MIPEP: variants seen among roughly 807,000 people sequenced by gnomAD.
MIPEP encodes mitochondrial intermediate peptidase.
Under a neutral mutation model 90.3 loss-of-function variants are expected in MIPEP, and 79 were observed. The observed-to-expected ratio is 0.87, with a 90% CI of 0.73 to 1.05. MIPEP has a LOEUF of 1.05. MIPEP is among the 50% of genes least tolerant of loss of function. The probability of loss-of-function intolerance (pLI) is 0.00; values close to 1 mark genes in which losing one functional copy is unlikely to be tolerated. For missense variants in MIPEP, 940 were observed against 905.6 expected (o/e 1.04, Z -0.49); for synonymous variants, 334 against 315.8 (o/e 1.06, Z -0.61).
intron 14 of MIPEP, among the ~76,000 whole-genome samples, chr13:23,834,245 T>C (rs1566010848): frequency 1.3e-5 from 2 of 152,160 alleles, no homozygotes; most frequent in Admixed American, 6.5e-5. Flanking sequence ...CGTGATTTTC[T>C]TGAAGTAAAA....
At chr13:23,782,732 G>T (rs1952793973) in intron 16 of MIPEP, among the ~76,000 whole-genome samples, 1 of 152,112 alleles carries the variant, frequency 6.6e-6, no homozygotes, top group Non-Finnish European at 1.5e-5. Flanking sequence ...GAAGAAAAGA[G>T]AGAAGAATCA....
intron 16 of MIPEP, among the ~76,000 whole-genome samples, chr13:23,798,394 C>G (rs1285111978): frequency 6.6e-6 from 1 of 152,114 alleles, no homozygotes; most frequent in African/African-American, 2.4e-5. Flanking sequence ...GTAGCAGCAA[C>G]CTTTCTCAAC....
intron 14 of MIPEP, among the ~76,000 whole-genome samples, chr13:23,818,000 T>C (rs1312952702): frequency 2.0e-5 from 3 of 152,018 alleles, no homozygotes; most frequent in South Asian, 4.2e-4. Context: ...AGAATTGAGG[T>C]TAGGCACATT....
intron 10 of MIPEP, among the ~76,000 whole-genome samples, chr13:23,843,205 A>G (rs182602667): frequency 6.6e-6 from 1 of 152,278 alleles, no homozygotes; most frequent in Admixed American, 6.5e-5. Context: ...CGACAGTATA[A>G]CTAAAGTATG....
At chr13:23,747,500 A>C (rs1952396131) in intron 18 of MIPEP, 2 of 496,498 alleles carry the variant, frequency 4.0e-6, no homozygotes. Context: ...CTGTACTAGA[A>C]CAAAAAGTGT....
intron 2 of MIPEP, among the ~76,000 whole-genome samples, chr13:23,883,432 C>CA (rs1871346445): frequency 6.6e-6 from 1 of 152,160 alleles, no homozygotes; most frequent in South Asian, 2.1e-4. Context: ...CCCTCAGTAT[C>CA]AATGGACAAT....
At chr13:23,842,335 AATTT>A (rs1286367176) in intron 10 of MIPEP, 4 of 152,200 alleles carry the variant, frequency 2.6e-5, no homozygotes, top group African/African-American at 9.6e-5. Context: ...CCCCACAACA[AATTT>A]ATATATAAAA....
intron 2 of MIPEP, among the ~76,000 whole-genome samples, chr13:23,882,067 C>CT (rs1566028511): frequency 6.9e-6 from 1 of 145,890 alleles, no homozygotes; most frequent in African/African-American, 2.6e-5. Flanking sequence ...CAAATTCTTT[C>CT]TTTCTTTTTT....
chr13:23,764,642 T>C (rs1952576717), intron 16 of MIPEP, among the ~76,000 whole-genome samples: 1 of 152,182 alleles, frequency 6.6e-6, no homozygotes, highest in Non-Finnish European at 1.5e-5. Context: ...CACTGTAACC[T>C]GGAGCTCCTG....
chr13:23,854,888 T>A, intron 10 of MIPEP, among the ~76,000 whole-genome samples: 1 of 104,818 alleles, frequency 9.5e-6, no homozygotes, highest in African/African-American at 4.5e-5. Context: ...GAAGATTCTG[T>A]CTCAAAAAAA....
At chr13:23,888,659 C>T in intron 1 of MIPEP, 3 of 956,414 alleles carry the variant, frequency 3.1e-6, no homozygotes, top group Non-Finnish European at 3.7e-6. Flanking sequence ...GATGGAATTT[C>T]AGGTATTAAT....
intron 12 of MIPEP, 102 bp from the exon 13 acceptor site, chr13:23,837,858 C>T (rs1869126501): frequency 1.3e-6 from 1 of 762,906 alleles, no homozygotes. Context: ...TGTGTGAGTG[C>T]AAACTTTAAC....
intron 5 of MIPEP, among the ~76,000 whole-genome samples, chr13:23,871,493 T>C (rs1279702192): frequency 6.6e-6 from 1 of 152,158 alleles, no homozygotes; most frequent in Non-Finnish European, 1.5e-5. Context: ...ACCAAAAAAC[T>C]AGACAGGCTC....
At chr13:23,850,984 G>T (rs74793814) in intron 10 of MIPEP, among the ~76,000 whole-genome samples, 7,034 of 152,294 alleles carry the variant, frequency 0.046, 219 homozygotes, top group Middle Eastern at 0.068. Context: ...GAAATAGGCA[G>T]AGATTTTCTC....
intron 10 of MIPEP, among the ~76,000 whole-genome samples, chr13:23,849,055 G>A (rs1354575299): frequency 6.6e-6 from 1 of 152,180 alleles, no homozygotes; most frequent in Non-Finnish European, 1.5e-5. Context: ...CATGCACAGA[G>A]GGTGTTTGGG....
At chr13:23,750,194 C>A (rs1019970532) in intron 18 of MIPEP, among the ~76,000 whole-genome samples, 5 of 152,200 alleles carry the variant, frequency 3.3e-5, no homozygotes, top group African/African-American at 1.2e-4. Context: ...TCATTAATAT[C>A]TTTCATCATG....
rs185745610 is a variant in MIPEP, at chr13:23,862,162, T to A, written c.1053+140A>T. 39 of 602,152 alleles carry A rather than the reference T, an allele frequency of 6.5e-5. No homozygotes were observed. The East Asian group carries it at 1.1e-3, about 16-fold the overall frequency. 37.3% of individuals were successfully genotyped at this position (602,152 alleles called of 1,614,324 possible). A position where few individuals can be genotyped will look rare whatever the true frequency, so the allele number is the denominator to read the frequency against. On this transcript the variant is annotated intron_variant, in intron 9 of 18. Coordinates refer to ENST00000382172, the MANE Select transcript of MIPEP (RefSeq NM_005932.4). ...GACATAAGAATCAAATATTTCAACATCTTTATTCACCAAAACCGAGGATCA... is the reference window on the plus strand; with the variant it reads ...GACATAAGAATCAAATATTTCAACAACTTTATTCACCAAAACCGAGGATCA...
intron 7 of MIPEP, among the ~76,000 whole-genome samples, chr13:23,868,320 C>T (rs567634533): frequency 1.1e-4 from 17 of 152,170 alleles, no homozygotes; most frequent in Middle Eastern, 3.4e-3. Flanking sequence ...GAGCGTGACA[C>T]GCCTGTAGCT....
At position 23,827,371 on chromosome 13, in the gene MIPEP, T is replaced by G. The variant is rs960838896; in HGVS notation, c.1653+8869A>C. ...CTAGAAAATTTCAAAGTAGCAAAGTTTATCTGAGAAGAAAAGAAAGCCCAA... is the reference window on the plus strand; with the variant it reads ...CTAGAAAATTTCAAAGTAGCAAAGTGTATCTGAGAAGAAAAGAAAGCCCAA... On this transcript the variant is annotated intron_variant, in intron 14 of 18. Transcript: ENST00000382172. Among the ~76,000 whole-genome samples, 52 of 152,304 alleles carry G rather than the reference T, an allele frequency of 3.4e-4. 1 individual carries two copies. The highest frequency in any genetic ancestry group is 1.4e-3 in the South Asian group (7 of 4,828).
Sources: allele counts gnomAD v4.1 joint callset (sites outside exome capture counted in the v4.1 genomes callset), GRCh38; gene constraint gnomAD v4.1.1; transcripts MANE v1.5; gene names NCBI Gene and HGNC (gene_info 2026-07-23, HGNC 2026-07-21).